The following RSRC1 variants were observed in gnomAD, a reference collection of about 807,000 sequenced individuals.
RSRC1 encodes the protein serine/Arginine-related protein 53.
RSRC1 carries 39 observed loss-of-function variants against 49.1 expected under a neutral mutation model. That is an observed-to-expected ratio of 0.79 (90% CI 0.61 to 1.04). The LOEUF is 1.04. Among genes scored for constraint, RSRC1 ranks in the 50% least tolerant of loss-of-function variants. RSRC1 has a pLI of 0.00. For synonymous variants in RSRC1, 143 were observed against 130.8 expected (o/e 1.09, Z -0.63); for missense variants, 388 against 402.4 (o/e 0.96, Z 0.31).
intron 5 of RSRC1, among the ~76,000 whole-genome samples, chr3:158,301,391 T>A (rs1393593411): frequency 1.3e-5 from 2 of 152,164 alleles, no homozygotes; most frequent in African/African-American, 4.8e-5. Flanking sequence ...CCCACCTTCC[T>A]TATTTTATTT....
chr3:158,195,195 G>T (rs1189707510), intron 3 of RSRC1, among the ~76,000 whole-genome samples: 1 of 152,132 alleles, frequency 6.6e-6, no homozygotes, highest in East Asian at 1.9e-4. Context: ...CCATTCTAAT[G>T]GGTGTGAGAT....
chr3:158,460,143 A>G (rs1345643957), intron 6 of RSRC1, among the ~76,000 whole-genome samples: 1 of 151,920 alleles, frequency 6.6e-6, no homozygotes, highest in Non-Finnish European at 1.5e-5. Context: ...TTTTAACTTA[A>G]TATTTCATCA....
chr3:158,222,536 C>A (rs1189405778), intron 4 of RSRC1, among the ~76,000 whole-genome samples: 1 of 151,430 alleles, frequency 6.6e-6, no homozygotes, highest in Non-Finnish European at 1.5e-5. Flanking sequence ...GTCAATTAAA[C>A]AAGTTAACAA....
chr3:158,539,847 T>TGTACTGTGGTAC lies in RSRC1; in HGVS notation c.759+2657_759+2658insGTACGTACTGTG, dbSNP rs1347198584. ...TAAGTACTTCTCAAAGAAATCTTAA[T>TGTACTGTGGTAC]GTACTGTGTACGTAAAAACAAGATG... On this transcript the variant is annotated intron_variant, in intron 8 of 9. Coordinates refer to ENST00000611884, the MANE Select transcript of RSRC1 (RefSeq NM_001271838.2). This position sits in a 1 kb window ranked among gnomAD's most constrained non-coding sequence, Gnocchi z 4.1. 1.3e-5 allele frequency among the ~76,000 whole-genome samples: 2 copies of TGTACTGTGGTAC among 152,208 alleles called. No individual in the cohort carries two copies. The highest frequency in any genetic ancestry group is 2.9e-5 in the Non-Finnish European group (2 of 68,020).
intron 5 of RSRC1, among the ~76,000 whole-genome samples, chr3:158,348,007 A>G (rs1005018268): frequency 6.6e-6 from 1 of 152,210 alleles, no homozygotes; most frequent in African/African-American, 2.4e-5. Flanking sequence ...CATCCCCTCA[A>G]GCATTTATCC....
intron 3 of RSRC1, among the ~76,000 whole-genome samples, chr3:158,144,614 T>C (rs1280739842): frequency 6.6e-6 from 1 of 152,236 alleles, no homozygotes; most frequent in African/African-American, 2.4e-5. Flanking sequence ...TGTGTCTTTA[T>C]AGCAGCATGA....
chr3:158,246,812 C>A lies in RSRC1; in HGVS notation c.494+43567C>A, dbSNP rs138824539. ...GGCCTTTCTCTCTGGCTGCCCTTAACATTTTTTCTTCATTTTGAACTTGGA... is the reference window on the plus strand; with the variant it reads ...GGCCTTTCTCTCTGGCTGCCCTTAAAATTTTTTCTTCATTTTGAACTTGGA... On this transcript the variant is annotated intron_variant, in intron 4 of 9. Transcript: ENST00000611884. Among the ~76,000 whole-genome samples, 61 of 152,202 alleles carry A rather than the reference C, an allele frequency of 4.0e-4. 1 individual carries two copies. The East Asian group carries it at 0.01, about 25-fold the overall frequency.
chr3:158,544,224 G>A lies in RSRC1; in HGVS notation c.954G>A (p.Lys318=), dbSNP rs747963263. ...CTGATGCTGAGGAAAAATGGTTCAA[G>A]AGATTAATTGCTCTCCGACAAGAAA... ...EKADAEEKWF[K]RLIALRQERL... The change falls in exon 10 of 10, where the codon AAG becomes AAA. Residue 318 remains lysine, a synonymous_variant. Coordinates refer to ENST00000611884, the MANE Select transcript of RSRC1 (RefSeq NM_001271838.2). 5.0e-6 allele frequency: 8 copies of A among 1,612,864 alleles called. No homozygotes were observed. The South Asian group carries it at 8.8e-5, about 18-fold the overall frequency.
At chr3:158,399,078 A>T (rs1324941147) in intron 6 of RSRC1, among the ~76,000 whole-genome samples, 6 of 139,406 alleles carry the variant, frequency 4.3e-5, no homozygotes, top group Non-Finnish European at 9.2e-5. Context: ...CTTTACATGG[A>T]TTCTACAATT....
chr3:158,122,410 A>G (rs1559908537), intron 2 of RSRC1, 112 bp downstream of exon 2: 2 of 812,410 alleles, frequency 2.5e-6, no homozygotes, highest in South Asian at 5.5e-5. Context: ...CTAGCTATAT[A>G]TTTATGAAAG....
chr3:158,246,240 C>CCTG (rs1723880802), intron 4 of RSRC1, among the ~76,000 whole-genome samples: 1 of 139,082 alleles, frequency 7.2e-6, no homozygotes, highest in African/African-American at 2.7e-5. Context: ...CACACCAGGG[C>CCTG]CTGTTGTGGG....
intron 7 of RSRC1, among the ~76,000 whole-genome samples, chr3:158,516,374 C>A (rs529331985): frequency 0.022 from 3,352 of 152,092 alleles, 45 homozygotes; most frequent in Non-Finnish European, 0.036. Context: ...TGTCAGTGTG[C>A]CCCTGCTGGG....
At chr3:158,487,460 C>T (rs67074371) in intron 7 of RSRC1, among the ~76,000 whole-genome samples, 26,755 of 151,934 alleles carry the variant, frequency 0.18, 2,492 homozygotes, top group African/African-American at 0.24. Flanking sequence ...CACTGTTCGC[C>T]GGATAGCAGC....
At chr3:158,244,095 A>G (rs1416121813) in intron 4 of RSRC1, among the ~76,000 whole-genome samples, 3 of 151,642 alleles carry the variant, frequency 2.0e-5, no homozygotes, top group South Asian at 2.1e-4. Flanking sequence ...GTTCCTCTCT[A>G]TCTATTTGAA....
At chr3:158,445,453 A>G (rs909192249) in intron 6 of RSRC1, among the ~76,000 whole-genome samples, 3 of 151,968 alleles carry the variant, frequency 2.0e-5, no homozygotes, top group African/African-American at 7.3e-5. Flanking sequence ...GAATTGAACA[A>G]TGAGAACACT....
At chr3:158,172,436 CAG>C (rs1559928524) in intron 3 of RSRC1, among the ~76,000 whole-genome samples, 1 of 152,128 alleles carries the variant, frequency 6.6e-6, no homozygotes, top group Non-Finnish European at 1.5e-5. Context: ...ATAAGGAAAA[CAG>C]TGTTTCATTT....
At chr3:158,319,011 C>T (rs1484997869) in intron 5 of RSRC1, among the ~76,000 whole-genome samples, 1 of 152,090 alleles carries the variant, frequency 6.6e-6, no homozygotes, top group African/African-American at 2.4e-5. Context: ...AAAAAATTGA[C>T]AACTGAAACA....
At chr3:158,244,572 C>G (rs1723780648) in intron 4 of RSRC1, among the ~76,000 whole-genome samples, 1 of 152,126 alleles carries the variant, frequency 6.6e-6, no homozygotes, top group African/African-American at 2.4e-5. Flanking sequence ...GGATATTGGC[C>G]TGAAGTTTTC....
At chr3:158,169,562 T>C (rs1280643466) in intron 3 of RSRC1, among the ~76,000 whole-genome samples, 1 of 152,176 alleles carries the variant, frequency 6.6e-6, no homozygotes, top group Non-Finnish European at 1.5e-5. Context: ...TATATTCTCT[T>C]TAAACTTCTC....
Sources: gnomAD v4.1 joint callset for allele counts (sites outside exome capture counted in the v4.1 genomes callset) on GRCh38, gnomAD v4.1.1 for gene constraint, Gnocchi (gnomAD v3.1) non-coding constraint, MANE v1.5 for transcripts, NCBI Gene and HGNC (gene_info 2026-07-23, HGNC 2026-07-21) for gene names.